The following ZNF202 variants were observed in gnomAD, a reference collection of about 807,000 sequenced individuals.
ZNF202 encodes the protein zinc finger protein with KRAB and SCAN domains 10.
In ZNF202, 22 loss-of-function variants were observed where a neutral mutation model predicts 54.5. That is an observed-to-expected ratio of 0.40 (90% CI 0.29 to 0.58). ZNF202 has a LOEUF of 0.58. Among genes scored for constraint, ZNF202 ranks in the 20% least tolerant of loss-of-function variants. The pLI is 0.39. For missense variants in ZNF202, 644 were observed against 805.5 expected (o/e 0.80, Z 2.43); for synonymous variants, 294 against 301.4 (o/e 0.98, Z 0.26).
rs1250893442 is a variant in ZNF202, at chr11:123,724,150, A to G, written c.*1847T>C. ...TAGGACAGTATCTTCTGCAAACTCC[A>G]GGCTTGGATCTTATCTCAGAGTGCA... is the stretch of plus-strand genomic sequence containing the variant. On this transcript the variant is annotated 3_prime_UTR_variant, in exon 9 of 9. Coordinates refer to ENST00000530393, the MANE Select transcript of ZNF202 (RefSeq NM_003455.4). The G allele has an allele frequency of 6.6e-6, 1 of 152,220 alleles. No individual in the cohort carries two copies. Among genetic ancestry groups the G allele is most frequent in the Non-Finnish European group, 1.5e-5 (1 of 68,040 alleles). 9.4% of individuals were successfully genotyped at this position (152,220 alleles called of 1,614,324 possible).
At chr11:123,739,158 A>C (rs1204917531) in intron 3 of ZNF202, among the ~76,000 whole-genome samples, 1 of 152,228 alleles carries the variant, frequency 6.6e-6, no homozygotes, top group Non-Finnish European at 1.5e-5. Flanking sequence ...AAAATTCAGA[A>C]ATCAGCCAGT....
chr11:123,733,985 T>A (rs973707064), intron 3 of ZNF202, among the ~76,000 whole-genome samples: 1 of 152,204 alleles, frequency 6.6e-6, no homozygotes, highest in Non-Finnish European at 1.5e-5. Flanking sequence ...CTAGAAACCT[T>A]ATTTTGGTTT....
At position 123,726,697 on chromosome 11, in the gene ZNF202, A is replaced by G; in HGVS notation, c.1247T>C (p.Leu416Pro). 6.2e-7 allele frequency: 1 copy of G among 1,614,220 alleles called. No homozygotes were observed. The highest frequency in any genetic ancestry group is 8.5e-7 in the Non-Finnish European group (1 of 1,180,050). Residue 416 changes from leucine (L) to proline (P), a missense_variant, in exon 9 of 9, where the codon CTG becomes CCG. Coordinates refer to ENST00000530393, the MANE Select transcript of ZNF202 (RefSeq NM_003455.4). This position sits in a 1 kb window ranked among gnomAD's most constrained non-coding sequence, Gnocchi z 6.0. ...GGGTTTCTCTCCTGTGTGAGTCCTC[A>G]GGTGTCTAACAAGGTGGGAGTTACA... ...FTCNSHLVRH[L>P]RTHTGEKPYK...
In ZNF202 at chr11:123,730,447, C is replaced by A. The variant is rs747935583; in HGVS notation, c.402+40G>T. 2 of 1,487,280 alleles carry A rather than the reference C, an allele frequency of 1.3e-6. No individual in the cohort carries two copies. Among genetic ancestry groups the A allele is most frequent in the South Asian group, 1.5e-5 (1 of 66,294 alleles). The allele number at this position is 1,487,280 out of a possible 1,614,324, so 92.1% of individuals were successfully genotyped here. On this transcript the variant is annotated intron_variant, in intron 4 of 8. Transcript: ENST00000530393. This position sits in a 1 kb window ranked among gnomAD's most constrained non-coding sequence, Gnocchi z 6.0. ...CAAATCCAGCCTTCCAGCAAATAGT[C>A]CCCCTCCACATCACACAGATCAGGA...
rs773790759 is a variant in ZNF202 at position 123,730,637 on chromosome 11, C to G, written c.252G>C (p.Gln84His). The G allele has an allele frequency of 6.2e-7, 1 of 1,613,746 alleles. No homozygotes were observed. The highest frequency in any genetic ancestry group is 8.5e-7 in the Non-Finnish European group (1 of 1,179,726). The change falls in exon 4 of 9, where the codon CAG (glutamine) becomes CAC (histidine). Residue 84 changes from glutamine to histidine, a missense_variant. Physicochemically the swap from Gln to His is conservative, Grantham distance 24. Around this residue, in one of 3 missense-constraint regions of ZNF202, gnomAD observed 62 missense variants for 122.8 expected, o/e 0.50. Coordinates refer to ENST00000530393, the MANE Select transcript of ZNF202 (RefSeq NM_003455.4). This position sits in a 1 kb window ranked among gnomAD's most constrained non-coding sequence, Gnocchi z 6.0. ...WLRPERRTKE[Q>H]ILELLVLEQF... ...GTTCCAGCACAAGCAGCTCTAGGAT[C>G]TGCTCCTTTGTCCGCCTCTCTGGTC...
chr11:123,728,038 A>C (rs1194377654), intron 7 of ZNF202, 95 bp downstream of exon 7: 2 of 1,419,184 alleles, frequency 1.4e-6, no homozygotes, highest in Non-Finnish European at 1.9e-6. Flanking sequence ...AGAGAAGTTC[A>C]CTGCATACAA....
chr11:123,726,993 T>C lies in ZNF202; in HGVS notation c.953-2A>G. Reference sequence around the variant, plus strand: ...CTTCCTCATCTTTACTCCTATCTCCTGTAGAAAGGGTGAGAGGAAAAAGGG... The same window carrying C: ...CTTCCTCATCTTTACTCCTATCTCCCGTAGAAAGGGTGAGAGGAAAAAGGG... On this transcript the variant is annotated splice_acceptor_variant, in intron 8 of 8. Coordinates refer to ENST00000530393, the MANE Select transcript of ZNF202 (RefSeq NM_003455.4). LOFTEE classifies it high-confidence loss of function. The surrounding 1 kb of genome is among the most constrained non-coding windows in gnomAD (Gnocchi z 6.0). The C allele has an allele frequency of 6.2e-7, 1 of 1,606,382 alleles. No individual in the cohort carries two copies. The highest frequency in any genetic ancestry group is 8.5e-7 in the Non-Finnish European group (1 of 1,176,690).
intron 5 of ZNF202, 91 bp from the exon 6 acceptor site, chr11:123,729,305 A>G: frequency 1.5e-6 from 2 of 1,296,496 alleles, no homozygotes; most frequent in Non-Finnish European, 2.2e-6. Flanking sequence ...TTTGGTAGGA[A>G]GGTGGCCCTA....
intron 7 of ZNF202, among the ~76,000 whole-genome samples, 162 bp from the exon 8 acceptor site, chr11:123,727,757 G>A (rs749227905): frequency 6.6e-6 from 1 of 152,114 alleles, no homozygotes; most frequent in Non-Finnish European, 1.5e-5. Flanking sequence ...CAAGGACTGC[G>A]TATCTCTTGC....
chr11:123,729,158 C>T lies in ZNF202; in HGVS notation c.670G>A (p.Glu224Lys), dbSNP rs574694184. 1.2e-6 allele frequency: 2 copies of T among 1,614,030 alleles called. No individual in the cohort carries two copies. Among genetic ancestry groups the T allele is most frequent in the African/African-American group, 1.3e-5 (1 of 75,066 alleles). Residue 224 changes from glutamate (E) to lysine (K), a missense_variant, in exon 6 of 9, where the codon GAG becomes AAG. Glu to Lys is a moderately conservative substitution (Grantham distance 56, BLOSUM62 1). Around this residue, in one of 3 missense-constraint regions of ZNF202, gnomAD observed 536 missense variants for 635.3 expected, o/e 0.84. Coordinates refer to ENST00000530393, the MANE Select transcript of ZNF202 (RefSeq NM_003455.4). ...LPAERSSGDS[E>K]MVALLTALSQ... is the part of the protein sequence containing the mutation. Reference sequence around the variant, plus strand: ...AGAGCAGTAAGAAGAGCAACCATCTCTGAGTCTCCAGAGCTCCTCTCTGCA... The same window carrying T: ...AGAGCAGTAAGAAGAGCAACCATCTTTGAGTCTCCAGAGCTCCTCTCTGCA...
chr11:123,741,009 C>T (rs995241765), intron 1 of ZNF202, among the ~76,000 whole-genome samples: 8 of 151,876 alleles, frequency 5.3e-5, no homozygotes, highest in African/African-American at 1.9e-4. Flanking sequence ...CTACTATCAT[C>T]ACAGGTGACA....
chr11:123,727,342 T>C (rs921032411), intron 8 of ZNF202, 134 bp downstream of exon 8: 30 of 1,247,892 alleles, frequency 2.4e-5, no homozygotes, highest in African/African-American at 2.0e-4. Context: ...AAGAAATGGC[T>C]GTCAGAGGGA....
chr11:123,726,500 T>C lies in ZNF202; in HGVS notation c.1444A>G (p.Arg482Gly), dbSNP rs1861145618. Residue 482 changes from arginine (R) to glycine (G), a missense_variant, in exon 9 of 9, where the codon AGA becomes GGA. Physicochemically the swap from Arg to Gly is moderately radical, Grantham distance 125. Around this residue, in one of 3 missense-constraint regions of ZNF202, gnomAD observed 536 missense variants for 635.3 expected, o/e 0.84. Transcript: ENST00000530393. This position sits in a 1 kb window ranked among gnomAD's most constrained non-coding sequence, Gnocchi z 6.0. ...ERTPSVEKPY[R>G]CDDCGKHFRW... The stretch of plus-strand genomic sequence containing the variant: ...AAGTGCTTTCCGCAATCATCACATC[T>C]ATAGGGTTTCTCCACTGATGGAGTT... 1.9e-6 allele frequency: 3 copies of C among 1,614,118 alleles called. No individual in the cohort carries two copies. In the Admixed American group the frequency reaches 5.0e-5, roughly 27 times the overall value.
In ZNF202 at chr11:123,725,960, G is replaced by A. The variant is rs1200721362; in HGVS notation, c.*37C>T. 1 of 1,574,632 alleles carries A rather than the reference G, an allele frequency of 6.4e-7. No individual in the cohort carries two copies. The highest frequency in any genetic ancestry group is 8.6e-7 in the Non-Finnish European group (1 of 1,160,378). On this transcript the variant is annotated 3_prime_UTR_variant, in exon 9 of 9. Transcript: ENST00000530393. ...TTCCTCTTCCTCACCTCCCTTAGGT[G>A]AGGGCTGAAAGCAGATCTCCTCACA...
In ZNF202 at chr11:123,730,928, C is replaced by T; in HGVS notation, c.-40G>A. On this transcript the variant is annotated 5_prime_UTR_variant, in exon 4 of 9. The change creates a new upstream start codon in the 5' untranslated region. Coordinates refer to ENST00000530393, the MANE Select transcript of ZNF202 (RefSeq NM_003455.4). This position sits in a 1 kb window ranked among gnomAD's most constrained non-coding sequence, Gnocchi z 6.0. ...GTGGTCTCACACCATCTAGAGCTCACACTGTCATTAGCCCCCCGCCTCAGC... is the reference window on the plus strand; with the variant it reads ...GTGGTCTCACACCATCTAGAGCTCATACTGTCATTAGCCCCCCGCCTCAGC... 1 of 1,578,914 alleles carries T rather than the reference C, an allele frequency of 6.3e-7. No individual in the cohort carries two copies. The highest frequency in any genetic ancestry group is 8.6e-7 in the Non-Finnish European group (1 of 1,161,310).
chr11:123,727,622 T>A (rs746605981), intron 7 of ZNF202, 27 bp from the exon 8 acceptor site: 83 of 1,613,426 alleles, frequency 5.1e-5, no homozygotes, highest in Non-Finnish European at 6.4e-5. Flanking sequence ...AAATAGGATA[T>A]CACGATTGGC....
Position 123,730,650 on chromosome 11 carries a change from C to T in ZNF202, c.239G>A (p.Arg80Gln), listed in dbSNP as rs1861366115. 1.2e-6 allele frequency: 2 copies of T among 1,613,646 alleles called. No individual in the cohort carries two copies. Among genetic ancestry groups the T allele is most frequent in the African/African-American group, 1.3e-5 (1 of 74,918 alleles). Residue 80 changes from arginine (R) to glutamine (Q), a missense_variant, in exon 4 of 9, where the codon CGG (arginine) becomes CAG (glutamine). Arg to Gln is a conservative substitution (Grantham distance 43). Transcript: ENST00000530393. This position sits in a 1 kb window ranked among gnomAD's most constrained non-coding sequence, Gnocchi z 6.0. ...LCHQWLRPER[R>Q]TKEQILELLV... The stretch of plus-strand genomic sequence containing the variant: ...CAGCTCTAGGATCTGCTCCTTTGTC[C>T]GCCTCTCTGGTCTCAGCCACTGGTG...
chr11:123,729,945 A>T, intron 4 of ZNF202, 120 bp from the exon 5 acceptor site: 1 of 1,045,138 alleles, frequency 9.6e-7, no homozygotes, highest in Non-Finnish European at 1.4e-6. Context: ...CCAGACAAGG[A>T]GGGGAAACTC....
chr11:123,730,377 G>T lies in ZNF202; in HGVS notation c.402+110C>A. ...CTCATGGTATATGAGCAACCCAAGG[G>T]CAGAGCCCACTAATAATTTATGGGG... On this transcript the variant is annotated intron_variant, in intron 4 of 8. Coordinates refer to ENST00000530393, the MANE Select transcript of ZNF202 (RefSeq NM_003455.4). This position sits in a 1 kb window ranked among gnomAD's most constrained non-coding sequence, Gnocchi z 6.0. The T allele has an allele frequency of 7.3e-7, 1 of 1,377,738 alleles. No individual in the cohort carries two copies. Among genetic ancestry groups the T allele is most frequent in the Non-Finnish European group, 9.7e-7 (1 of 1,033,708 alleles). 85.3% of individuals were successfully genotyped at this position (1,377,738 alleles called of 1,614,324 possible). A position where few individuals can be genotyped will look rare whatever the true frequency, so the allele number is the denominator to read the frequency against.
Sources: allele counts gnomAD v4.1 joint callset (sites outside exome capture counted in the v4.1 genomes callset), GRCh38; gene constraint gnomAD v4.1.1; regional missense constraint gnomAD v4.1.1; non-coding constraint Gnocchi (gnomAD v3.1); transcripts MANE v1.5; gene names NCBI Gene and HGNC (gene_info 2026-07-23, HGNC 2026-07-21).